PARVA: variants seen among roughly 807,000 people sequenced by gnomAD.
PARVA encodes the protein alpha-parvin.
In PARVA, 25 loss-of-function variants were observed where a neutral mutation model predicts 52.6. That is an observed-to-expected ratio of 0.48 (90% CI 0.35 to 0.66). PARVA has a LOEUF of 0.66. Ranked by LOEUF, PARVA falls within the 30% of genes least tolerant of loss-of-function variation. PARVA has a pLI of 0.01. For synonymous variants in PARVA, 185 were observed against 179.1 expected (o/e 1.03, Z -0.26); for missense variants, 373 against 450.9 (o/e 0.83, Z 1.56).
chr11:12,490,719 A>T (rs1941225265), intron 4 of PARVA, among the ~76,000 whole-genome samples: 1 of 152,302 alleles, frequency 6.6e-6, no homozygotes, highest in African/African-American at 2.4e-5. Context: ...TTAAATGAAT[A>T]TAAAATAATC....
intron 11 of PARVA, 148 bp from the exon 12 acceptor site, chr11:12,518,297 C>A: frequency 1.5e-6 from 1 of 646,332 alleles, no homozygotes. Flanking sequence ...TCCAGGTGGC[C>A]TGCCCATTTT....
intron 1 of PARVA, among the ~76,000 whole-genome samples, chr11:12,385,823 A>C (rs971164907): frequency 5.9e-5 from 9 of 152,168 alleles, no homozygotes. Context: ...TGTACATGAG[A>C]ATGTAAAAAC....
intron 1 of PARVA, among the ~76,000 whole-genome samples, chr11:12,439,138 A>G (rs1202835272): frequency 6.6e-6 from 1 of 152,226 alleles, no homozygotes; most frequent in Non-Finnish European, 1.5e-5. Context: ...TTCTGATCCC[A>G]GGGGCACTTT....
intron 4 of PARVA, among the ~76,000 whole-genome samples, chr11:12,482,256 G>A (rs1222765598): frequency 6.6e-6 from 1 of 151,988 alleles, no homozygotes; most frequent in Non-Finnish European, 1.5e-5. Flanking sequence ...AGAGGCAGAA[G>A]TGTGTGAGAA....
At chr11:12,492,653 AAT>A (rs1166955145) in intron 4 of PARVA, among the ~76,000 whole-genome samples, 1 of 152,226 alleles carries the variant, frequency 6.6e-6, no homozygotes, top group Admixed American at 6.5e-5. Flanking sequence ...AGAAAATTAA[AAT>A]ATGTCACATA....
rs146522176 is a variant in PARVA at position 12,530,517 on chromosome 11, C to G, written c.*2592C>G. 6.6e-6 allele frequency: 1 copy of G among 152,174 alleles called. No individual in the cohort carries two copies. The highest frequency in any genetic ancestry group is 2.4e-5 in the African/African-American group (1 of 41,510). The allele number at this position is 152,174 out of a possible 1,614,324, so 9.4% of individuals were successfully genotyped here. On this transcript the variant is annotated 3_prime_UTR_variant, in exon 13 of 13. Coordinates refer to ENST00000334956, the MANE Select transcript of PARVA (RefSeq NM_018222.5). ...CATACATGGTGCAAAATTTAAAAAG[C>G]GCAAATAGGTATCTAGTGGAAAACC... is the stretch of plus-strand genomic sequence containing the variant.
chr11:12,508,002 G>A (rs1049185064), intron 6 of PARVA, among the ~76,000 whole-genome samples: 5 of 150,538 alleles, frequency 3.3e-5, no homozygotes, highest in African/African-American at 1.2e-4. Flanking sequence ...ACGGACGGAC[G>A]GACGAGTTTC....
intron 4 of PARVA, among the ~76,000 whole-genome samples, chr11:12,486,700 G>A (rs1198010241): frequency 6.6e-6 from 1 of 152,050 alleles, no homozygotes; most frequent in African/African-American, 2.4e-5. Flanking sequence ...ACAAAAATTA[G>A]TGGGGCATGG....
intron 1 of PARVA, among the ~76,000 whole-genome samples, chr11:12,449,827 C>G (rs1940599934): frequency 6.6e-6 from 1 of 152,170 alleles, no homozygotes; most frequent in Non-Finnish European, 1.5e-5. Flanking sequence ...AGGGATTATC[C>G]TGTCCAAAGA....
At chr11:12,491,952 A>G (rs1941239429) in intron 4 of PARVA, among the ~76,000 whole-genome samples, 1 of 152,214 alleles carries the variant, frequency 6.6e-6, no homozygotes, top group African/African-American at 2.4e-5. Context: ...ACAAATTAGC[A>G]TACAGACCAA....
chr11:12,464,406 T>G (rs954432677), intron 1 of PARVA, among the ~76,000 whole-genome samples: 1 of 152,216 alleles, frequency 6.6e-6, no homozygotes, highest in African/African-American at 2.4e-5. Context: ...ATGCATTTAC[T>G]TAATTGTTCA....
intron 6 of PARVA, among the ~76,000 whole-genome samples, chr11:12,507,748 C>T (rs1368697623): frequency 6.6e-6 from 1 of 152,142 alleles, no homozygotes; most frequent in Non-Finnish European, 1.5e-5. Flanking sequence ...GGGAATCTTA[C>T]TAATATGCTG....
chr11:12,403,320 C>T (rs1018171344), intron 1 of PARVA, among the ~76,000 whole-genome samples: 2 of 152,224 alleles, frequency 1.3e-5, no homozygotes, highest in African/African-American at 4.8e-5. Context: ...TTTGAGGTCA[C>T]TAGGGTGGGG....
At chr11:12,518,268 A>C (rs995567303) in intron 11 of PARVA, among the ~76,000 whole-genome samples, 177 bp from the exon 12 acceptor site, 2 of 152,214 alleles carry the variant, frequency 1.3e-5, no homozygotes, top group African/African-American at 4.8e-5. Flanking sequence ...ACAGCAAGCT[A>C]GGATCAGCTA....
At chr11:12,513,271 C>T (rs1166193193) in intron 8 of PARVA, 28 bp from the exon 9 acceptor site, 2 of 1,609,822 alleles carry the variant, frequency 1.2e-6, no homozygotes, top group Non-Finnish European at 1.7e-6. Context: ...AGCTCTTGTG[C>T]TCCACATTGT....
Position 12,533,324 on chromosome 11 carries a change from G to A in PARVA, c.*5399G>A, listed in dbSNP as rs1176488462. ...GACTCCTGTTTTACCAACGGCAGGAGCAGGAATCCCACCATTCAGCCTGTG... is the reference window on the plus strand; with the variant it reads ...GACTCCTGTTTTACCAACGGCAGGAACAGGAATCCCACCATTCAGCCTGTG... On this transcript the variant is annotated 3_prime_UTR_variant, in exon 13 of 13. Coordinates refer to ENST00000334956, the MANE Select transcript of PARVA (RefSeq NM_018222.5). Among the ~76,000 whole-genome samples, 2 of 152,224 alleles carry A rather than the reference G, an allele frequency of 1.3e-5. No homozygotes were observed. The highest frequency in any genetic ancestry group is 2.1e-4 in the South Asian group (1 of 4,834).
intron 1 of PARVA, among the ~76,000 whole-genome samples, chr11:12,443,018 C>T (rs770393017): frequency 7.9e-5 from 12 of 151,768 alleles, no homozygotes; most frequent in South Asian, 2.1e-4. Flanking sequence ...CCTGCCACTA[C>T]GCCCAGCTAA....
chr11:12,488,515 C>A (rs1941190613), intron 4 of PARVA, among the ~76,000 whole-genome samples: 1 of 152,114 alleles, frequency 6.6e-6, no homozygotes, highest in African/African-American at 2.4e-5. Flanking sequence ...CATACAGGGT[C>A]AGGAGACAAA....
chr11:12,492,834 T>TACAC lies in PARVA; in HGVS notation c.401-3610_401-3607dup, dbSNP rs35906710. On this transcript the variant is annotated intron_variant, in intron 4 of 12. Transcript: ENST00000334956. ...CCAGCAGTAATCAATTAGTAATACA[T>TACAC]ACACACACACACACACAAGATGTTT... is the stretch of plus-strand genomic sequence containing the variant. Among the ~76,000 whole-genome samples the TACAC allele has an allele frequency of 3.2e-3, 485 of 150,102 alleles. 3 individuals carry two copies. The highest frequency in any genetic ancestry group is 0.018 in the East Asian group (93 of 5,108).
Sources: gnomAD v4.1 joint callset for allele counts (sites outside exome capture counted in the v4.1 genomes callset) on GRCh38, gnomAD v4.1.1 for gene constraint, MANE v1.5 for transcripts, NCBI Gene and HGNC (gene_info 2026-07-23, HGNC 2026-07-21) for gene names.